The following DAAM1 variants were observed in gnomAD, a reference collection of about 807,000 sequenced individuals.
DAAM1 encodes the protein dishevelled associated activator of morphogenesis 1.
Under a neutral mutation model 130.0 loss-of-function variants are expected in DAAM1, and 52 were observed. The ratio of observed to expected loss-of-function variants is 0.40; its 90% CI spans 0.32 to 0.50. The LOEUF (loss-of-function observed/expected upper bound fraction) is 0.50, where lower values mean the gene tolerates loss of function less well. Ranked by LOEUF, DAAM1 falls within the 20% of genes least tolerant of loss-of-function variation. The pLI is 0.61. For missense variants in DAAM1, 1,134 were observed against 1,303.8 expected, an observed-to-expected ratio of 0.87 and a Z score of 2.01; for synonymous variants, 452 against 444.5, an observed-to-expected ratio of 1.02 and a Z score of -0.21.
chr14:59,308,422 A>G (rs1234136364), intron 3 of DAAM1, among the ~76,000 whole-genome samples: 2 of 152,222 alleles, frequency 1.3e-5, no homozygotes, highest in Non-Finnish European at 2.9e-5. Flanking sequence ...AGGAGAGATT[A>G]AACTTATTCC....
intron 1 of DAAM1, among the ~76,000 whole-genome samples, chr14:59,235,586 C>T (rs1289483415): frequency 6.6e-6 from 1 of 152,072 alleles, no homozygotes; most frequent in Admixed American, 6.6e-5. Context: ...TTTCAAAAAA[C>T]CAGCTCCTGG....
At chr14:59,291,362 C>G in intron 3 of DAAM1, 56 bp downstream of exon 3, 1 of 1,382,794 alleles carries the variant, frequency 7.2e-7, no homozygotes, top group Non-Finnish European at 1.0e-6. Flanking sequence ...ATTCCATTTG[C>G]TCTTCCATTT....
At chr14:59,344,057 G>A (rs571759793) in intron 16 of DAAM1, among the ~76,000 whole-genome samples, 3 of 152,310 alleles carry the variant, frequency 2.0e-5, no homozygotes, top group Non-Finnish European at 4.4e-5. Context: ...GCCTGGGGGT[G>A]GCAGCGGGGG....
chr14:59,283,002 A>C (rs1038786679), intron 2 of DAAM1, among the ~76,000 whole-genome samples: 5 of 152,080 alleles, frequency 3.3e-5, no homozygotes, highest in Non-Finnish European at 1.5e-5. Context: ...TTCAATTCAG[A>C]ATTGGTCATT....
chr14:59,201,220 A>G (rs977834938), intron 1 of DAAM1, among the ~76,000 whole-genome samples: 7 of 151,858 alleles, frequency 4.6e-5, no homozygotes, highest in African/African-American at 1.7e-4. Context: ...AAAAGGGGAA[A>G]ATAGGTGAGA....
intron 4 of DAAM1, among the ~76,000 whole-genome samples, chr14:59,316,926 G>C (rs1884816064): frequency 6.6e-6 from 1 of 152,208 alleles, no homozygotes; most frequent in Admixed American, 6.5e-5. Context: ...AGGACAGTTA[G>C]ATTAATTTGT....
chr14:59,298,293 G>A (rs1884036395), intron 3 of DAAM1, among the ~76,000 whole-genome samples: 2 of 152,206 alleles, frequency 1.3e-5, no homozygotes, highest in Non-Finnish European at 1.5e-5. Flanking sequence ...GCCAGTGCTT[G>A]TGTTGTCAAG....
At chr14:59,200,972 T>C (rs1212370685) in intron 1 of DAAM1, among the ~76,000 whole-genome samples, 8 of 151,722 alleles carry the variant, frequency 5.3e-5, no homozygotes, top group African/African-American at 1.9e-4. Flanking sequence ...CCATCCTGGC[T>C]AACATGATGA....
intron 16 of DAAM1, among the ~76,000 whole-genome samples, chr14:59,346,859 T>C (rs1376003448): frequency 6.6e-6 from 1 of 152,212 alleles, no homozygotes; most frequent in Non-Finnish European, 1.5e-5. Flanking sequence ...AAAACAGATT[T>C]GTATTTTTGC....
rs1347942930 is a variant in DAAM1 at position 59,348,425 on chromosome 14, CCCCCTG to C, written c.2160+808_2160+813del. ...TTCTAGGGATTTTCACCTGTCTCTG[CCCCCTG>C]CCCCTTGGTCTGGGCCTTAACTTTT... On this transcript the variant is annotated intron_variant, in intron 17 of 24. Coordinates refer to ENST00000360909, the MANE Select transcript of DAAM1 (RefSeq NM_001270520.2). Among the ~76,000 whole-genome samples, 32 of 152,186 alleles carry C rather than the reference CCCCCTG, an allele frequency of 2.1e-4. 1 individual carries two copies. Among genetic ancestry groups the C allele is most frequent in the Non-Finnish European group, 1.5e-5 (1 of 68,026 alleles).
In DAAM1 at chr14:59,353,909, G is replaced by A. The variant is rs149814952; in HGVS notation, c.2301G>A (p.Leu767=). ...INHYQQRLQS[L]YFKKKFAERV... is the part of the protein sequence containing the mutation. Reference sequence around the variant, plus strand: ...ACTATCAGCAAAGGTTGCAATCGCTGTACTTCAAAAAGAAGTTTGCAGAGC... The same window carrying A: ...ACTATCAGCAAAGGTTGCAATCGCTATACTTCAAAAAGAAGTTTGCAGAGC... Residue 767 remains leucine (L), a synonymous_variant, in exon 19 of 25, where the codon CTG becomes CTA. Coordinates refer to ENST00000360909, the MANE Select transcript of DAAM1 (RefSeq NM_001270520.2). 1.1e-5 allele frequency: 18 copies of A among 1,613,954 alleles called. No homozygotes were observed. The highest frequency in any genetic ancestry group is 1.3e-5 in the Non-Finnish European group (15 of 1,179,980).
intron 1 of DAAM1, among the ~76,000 whole-genome samples, chr14:59,246,958 T>G (rs1294963497): frequency 6.6e-6 from 1 of 152,174 alleles, no homozygotes; most frequent in Non-Finnish European, 1.5e-5. Flanking sequence ...TTAGCAGAAA[T>G]AATTTTCAAA....
chr14:59,362,743 C>G (rs1213463903), intron 22 of DAAM1: 1 of 151,976 alleles, frequency 6.6e-6, no homozygotes, highest in African/African-American at 2.4e-5. Flanking sequence ...GTGATGACTA[C>G]GCTCCTGCTT....
At chr14:59,301,088 GA>G (rs1275553714) in intron 3 of DAAM1, among the ~76,000 whole-genome samples, 1 of 133,440 alleles carries the variant, frequency 7.5e-6, no homozygotes, top group Non-Finnish European at 1.8e-5. Context: ...CTGTCTGAGG[GA>G]AGGAAACTAA....
At chr14:59,342,601 A>AT (rs1362894331) in intron 16 of DAAM1, among the ~76,000 whole-genome samples, 2 of 152,140 alleles carry the variant, frequency 1.3e-5, no homozygotes, top group South Asian at 2.1e-4. Context: ...ACTTTGGAGC[A>AT]TTTTTTTGCC....
intron 3 of DAAM1, among the ~76,000 whole-genome samples, chr14:59,303,237 C>G (rs1460995027): frequency 1.3e-5 from 2 of 152,132 alleles, no homozygotes; most frequent in African/African-American, 4.8e-5. Context: ...AAATGGACTC[C>G]TATAGTGTCC....
At chr14:59,320,374 A>G in intron 4 of DAAM1, 116 bp from the exon 5 acceptor site, 1 of 800,764 alleles carries the variant, frequency 1.2e-6, no homozygotes. Context: ...TTACTTAATC[A>G]TAGATTTGTT....
chr14:59,283,529 G>A (rs1363308904), intron 2 of DAAM1, among the ~76,000 whole-genome samples: 1 of 152,100 alleles, frequency 6.6e-6, no homozygotes, highest in Non-Finnish European at 1.5e-5. Flanking sequence ...TTTTTGTGAT[G>A]TAACTGTTTA....
chr14:59,340,093 A>T lies in DAAM1; in HGVS notation c.1988A>T (p.Asp663Val). 4 of 1,613,662 alleles carry T rather than the reference A, an allele frequency of 2.5e-6. No homozygotes were observed. Among genetic ancestry groups the T allele is most frequent in the Non-Finnish European group, 3.4e-6 (4 of 1,179,696 alleles). Residue 663 changes from aspartate (D) to valine (V), a missense_variant, in exon 16 of 25, where the codon GAT becomes GTT. Coordinates refer to ENST00000360909, the MANE Select transcript of DAAM1 (RefSeq NM_001270520.2). Reference protein sequence around the residue: ...QRQQKEADAIDDTLSSKLKVK... With the variant: ...QRQQKEADAIVDTLSSKLKVK... ...TTACAGAAAGAAGCAGATGCCATTG[A>T]TGACACTCTGAGTTCCAAACTTAAA...
Sources: gnomAD v4.1 joint callset for allele counts (sites outside exome capture counted in the v4.1 genomes callset) on GRCh38, gnomAD v4.1.1 for gene constraint, MANE v1.5 for transcripts, NCBI Gene and HGNC (gene_info 2026-07-23, HGNC 2026-07-21) for gene names.